Variants in PEX3 observed in about 807,000 individuals in gnomAD.
The protein encoded by PEX3 is peroxin-3.
A neutral mutation model predicts 55.8 loss-of-function variants in PEX3; 30 were observed. That is an observed-to-expected ratio of 0.54 (90% CI 0.40 to 0.73). PEX3 has a LOEUF of 0.73. Ranked by LOEUF, PEX3 falls within the 30% of genes least tolerant of loss-of-function variation. The pLI is 0.00. For synonymous variants in PEX3, 135 were observed against 148.4 expected, an observed-to-expected ratio of 0.91 and a Z score of 0.66; for missense variants, 351 against 432.8, an observed-to-expected ratio of 0.81 and a Z score of 1.68.
At position 143,450,891 on chromosome 6, in the gene PEX3, G is replaced by A. The variant is rs1779748997; in HGVS notation, c.-152G>A. ...ACGCCCCCTTGCCGCTCCGGTGACAGTCTCTGCGGAAAGTCACGTTTGTGA... is the reference window on the plus strand; with the variant it reads ...ACGCCCCCTTGCCGCTCCGGTGACAATCTCTGCGGAAAGTCACGTTTGTGA... On this transcript the variant is annotated 5_prime_UTR_variant, in exon 1 of 12. Coordinates refer to ENST00000367591, the MANE Select transcript of PEX3 (RefSeq NM_003630.3). 1.2e-6 allele frequency: 1 copy of A among 811,414 alleles called. No individual in the cohort carries two copies. The highest frequency in any genetic ancestry group is 1.3e-5 in the South Asian group (1 of 74,178). The allele number at this position is 811,414 out of a possible 1,614,324, so 50.3% of individuals were successfully genotyped here. A position where few individuals can be genotyped will look rare whatever the true frequency, so the allele number is the denominator to read the frequency against.
chr6:143,484,093 TTAGTG>T (rs1297705244), intron 10 of PEX3, among the ~76,000 whole-genome samples: 1 of 152,144 alleles, frequency 6.6e-6, no homozygotes, highest in Admixed American at 6.6e-5. Context: ...AAGGAAATTT[TTAGTG>T]TAGCCCTAGG....
rs1431586865 is a variant in PEX3 at position 143,465,574 on chromosome 6, A to T, written c.288-2548A>T. Among the ~76,000 whole-genome samples the T allele has an allele frequency of 6.6e-6, 1 of 151,978 alleles. No individual in the cohort carries two copies. Among genetic ancestry groups the T allele is most frequent in the Non-Finnish European group, 1.5e-5 (1 of 67,888 alleles). ...ATCTTTTTTCTTTTAGAATTTTTAT[A>T]AGAAGTACTTAGAAATTTTTCTGAG... is the stretch of plus-strand genomic sequence containing the variant. On this transcript the variant is annotated intron_variant, in intron 3 of 11. Transcript: ENST00000367591. The surrounding 1 kb of genome is among the most constrained non-coding windows in gnomAD (Gnocchi z 4.7).
rs1045223124 is a variant in PEX3, at chr6:143,464,030, T to G, written c.287+1033T>G. On this transcript the variant is annotated intron_variant, in intron 3 of 11. Coordinates refer to ENST00000367591, the MANE Select transcript of PEX3 (RefSeq NM_003630.3). This position sits in a 1 kb window ranked among gnomAD's most constrained non-coding sequence, Gnocchi z 5.8. ...TGATGGGGGTTTTCCATTTTAAATT[T>G]CTTCATTCTTAGAGGTAGACAGACC... Among the ~76,000 whole-genome samples the G allele has an allele frequency of 6.6e-6, 1 of 152,128 alleles. No homozygotes were observed. The highest frequency in any genetic ancestry group is 1.5e-5 in the Non-Finnish European group (1 of 67,970).
In PEX3 at chr6:143,482,444, A is replaced by G. The variant is rs996741190; in HGVS notation, c.942-2708A>G. On this transcript the variant is annotated intron_variant, in intron 10 of 11. Transcript: ENST00000367591. This position sits in a 1 kb window ranked among gnomAD's most constrained non-coding sequence, Gnocchi z 5.5. Reference sequence around the variant, plus strand: ...GTGTAAAATTAGCCTTCCAAAATTAATCTAAAATATAATCAAAATATTATC... The same window carrying G: ...GTGTAAAATTAGCCTTCCAAAATTAGTCTAAAATATAATCAAAATATTATC... Among the ~76,000 whole-genome samples the G allele has an allele frequency of 6.6e-6, 1 of 152,056 alleles. No individual in the cohort carries two copies. The highest frequency in any genetic ancestry group is 1.5e-5 in the Non-Finnish European group (1 of 67,958).
intron 8 of PEX3, among the ~76,000 whole-genome samples, chr6:143,473,688 A>G (rs532640857): frequency 8.1e-4 from 123 of 152,256 alleles, no homozygotes; most frequent in African/African-American, 2.8e-3. Flanking sequence ...ACATAGCGAG[A>G]TCCTGTCTCT....
At chr6:143,481,969 T>TA (rs1421852174) in intron 10 of PEX3, among the ~76,000 whole-genome samples, 1 of 151,732 alleles carries the variant, frequency 6.6e-6, no homozygotes, top group Non-Finnish European at 1.5e-5. Flanking sequence ...CCCTGTCTCT[T>TA]AAAAAAATAT....
At chr6:143,470,381 G>A (rs182827569) in intron 4 of PEX3, among the ~76,000 whole-genome samples, 4 of 152,210 alleles carry the variant, frequency 2.6e-5, no homozygotes, top group African/African-American at 7.2e-5. Flanking sequence ...GGTCTCTCAA[G>A]CGTCAGTAAC....
chr6:143,461,820 C>G lies in PEX3; in HGVS notation c.206-1096C>G, dbSNP rs527842594. 1.2e-3 allele frequency among the ~76,000 whole-genome samples: 185 copies of G among 152,210 alleles called. 1 individual carries two copies. Among genetic ancestry groups the G allele is most frequent in the African/African-American group, 4.2e-3 (174 of 41,538 alleles). ...AACATTAGCTGGTCATGGAGGCCCACGCCTCTAGTCCTAACTACTCGGGAA... is the reference window on the plus strand; with the variant it reads ...AACATTAGCTGGTCATGGAGGCCCAGGCCTCTAGTCCTAACTACTCGGGAA... On this transcript the variant is annotated intron_variant, in intron 2 of 11. Transcript: ENST00000367591.
rs1369471519 is a variant in PEX3, at chr6:143,474,810, A to G, written c.772A>G (p.Ile258Val). The change falls in exon 9 of 12, where the codon ATT (isoleucine) becomes GTT (valine). Residue 258 changes from isoleucine to valine, a missense_variant. By Grantham distance (29) the Ile-to-Val change is conservative. Transcript: ENST00000367591. ...VQACGLSPRD[I>V]TTIKLLNETR... ...GGCCTGTGGACTTTCTCCTCGAGAC[A>G]TTACCACTATTAAACTTCTCAATGA... is the stretch of plus-strand genomic sequence containing the variant. 1 of 1,594,044 alleles carries G rather than the reference A, an allele frequency of 6.3e-7. No individual in the cohort carries two copies. The highest frequency in any genetic ancestry group is 8.6e-7 in the Non-Finnish European group (1 of 1,161,892).
At position 143,462,975 on chromosome 6, in the gene PEX3, C is replaced by T. The variant is rs1420799517; in HGVS notation, c.265C>T (p.Leu89Phe). The change falls in exon 3 of 12, where the codon CTC becomes TTC. Residue 89 changes from leucine to phenylalanine, a missense_variant. Leu to Phe is a conservative substitution (Grantham distance 22). Coordinates refer to ENST00000367591, the MANE Select transcript of PEX3 (RefSeq NM_003630.3). The surrounding 1 kb of genome is among the most constrained non-coding windows in gnomAD (Gnocchi z 4.1). The stretch of plus-strand genomic sequence containing the variant: ...AATGCAGCAACTGAATTCCGAGAGC[C>T]TCACAGCTCTGCTAAAAAACAGGTA... ...ALMQQLNSES[L>F]TALLKNRPSN... 1 of 1,613,130 alleles carries T rather than the reference C, an allele frequency of 6.2e-7. No homozygotes were observed. The highest frequency in any genetic ancestry group is 1.3e-5 in the African/African-American group (1 of 74,866).
At position 143,466,121 on chromosome 6, in the gene PEX3, C is replaced by T. The variant is rs1405146757; in HGVS notation, c.288-2001C>T. 2.0e-5 allele frequency among the ~76,000 whole-genome samples: 3 copies of T among 152,036 alleles called. No homozygotes were observed. The highest frequency in any genetic ancestry group is 1.3e-4 in the Admixed American group (2 of 15,268). On this transcript the variant is annotated intron_variant, in intron 3 of 11. Transcript: ENST00000367591. The surrounding 1 kb of genome is among the most constrained non-coding windows in gnomAD (Gnocchi z 5.4). ...TACATCCATACAATGGTGTACTACA[C>T]GTTGGTTAGAAGAGAAAAGTGGCTA...
Position 143,464,988 on chromosome 6 carries a change from G to T in PEX3, c.287+1991G>T, listed in dbSNP as rs557041007. ...CAAATAAACAGTTATCACTGTTTTT[G>T]ATATTTGGCACTCTTCTTGAAGACT... On this transcript the variant is annotated intron_variant, in intron 3 of 11. Coordinates refer to ENST00000367591, the MANE Select transcript of PEX3 (RefSeq NM_003630.3). This position sits in a 1 kb window ranked among gnomAD's most constrained non-coding sequence, Gnocchi z 5.8. 2.0e-5 allele frequency among the ~76,000 whole-genome samples: 3 copies of T among 151,788 alleles called. No individual in the cohort carries two copies. The highest frequency in any genetic ancestry group is 2.0e-4 in the Admixed American group (3 of 15,246).
Position 143,459,035 on chromosome 6 carries a change from G to A in PEX3, c.74-50G>A. 1 of 1,260,368 alleles carries A rather than the reference G, an allele frequency of 7.9e-7. No homozygotes were observed. Among genetic ancestry groups the A allele is most frequent in the East Asian group, 2.4e-5 (1 of 42,418 alleles). The allele number at this position is 1,260,368 out of a possible 1,614,324, so 78.1% of individuals were successfully genotyped here. The stretch of plus-strand genomic sequence containing the variant: ...GCATAAAGTAGGTTAAAAATACTGT[G>A]TAGAATTTTTGGTACTCTAATGAAT... On this transcript the variant is annotated intron_variant, in intron 1 of 11. Transcript: ENST00000367591. This position sits in a 1 kb window ranked among gnomAD's most constrained non-coding sequence, Gnocchi z 4.2.
In PEX3 at chr6:143,459,799, C is replaced by A. The variant is rs75115026; in HGVS notation, c.205+583C>A. Among the ~76,000 whole-genome samples, 5,652 of 152,282 alleles carry A rather than the reference C, an allele frequency of 0.037. 350 individuals are homozygous for A. The highest frequency in any genetic ancestry group is 0.13 in the African/African-American group (5,305 of 41,522). The stretch of plus-strand genomic sequence containing the variant: ...CAGAAGTAGGCTTGATCCCATCGGG[C>A]CTGTGGGCCATAGGAAAGAGTCATT... On this transcript the variant is annotated intron_variant, in intron 2 of 11. Coordinates refer to ENST00000367591, the MANE Select transcript of PEX3 (RefSeq NM_003630.3). This position sits in a 1 kb window ranked among gnomAD's most constrained non-coding sequence, Gnocchi z 4.2.
chr6:143,457,272 T>A (rs542238430), intron 1 of PEX3, among the ~76,000 whole-genome samples: 4 of 152,202 alleles, frequency 2.6e-5, no homozygotes, highest in Non-Finnish European at 5.9e-5. Context: ...TTTGTTGGTA[T>A]TGTAGCACTA....
intron 3 of PEX3, among the ~76,000 whole-genome samples, chr6:143,467,263 A>G (rs1294279350): frequency 2.0e-5 from 3 of 152,088 alleles, no homozygotes; most frequent in Admixed American, 6.6e-5. Context: ...AATGAGATTA[A>G]GTTAAAAACC....
Position 143,471,179 on chromosome 6 carries a change from T to C in PEX3, c.456+94T>C. ...CTGATAACAATTTCTATGAAATAAA[T>C]ATTTTTATATTTCATGTGATTGTGA... On this transcript the variant is annotated intron_variant, in intron 5 of 11. Coordinates refer to ENST00000367591, the MANE Select transcript of PEX3 (RefSeq NM_003630.3). This position sits in a 1 kb window ranked among gnomAD's most constrained non-coding sequence, Gnocchi z 5.4. 8.6e-7 allele frequency: 1 copy of C among 1,167,094 alleles called. No homozygotes were observed. The highest frequency in any genetic ancestry group is 1.3e-5 in the South Asian group (1 of 75,772). 72.3% of individuals were successfully genotyped at this position (1,167,094 alleles called of 1,614,324 possible). A position where few individuals can be genotyped will look rare whatever the true frequency, so the allele number is the denominator to read the frequency against.
chr6:143,484,613 C>T (rs1275154608), intron 10 of PEX3, among the ~76,000 whole-genome samples: 1 of 151,924 alleles, frequency 6.6e-6, no homozygotes, highest in Non-Finnish European at 1.5e-5. Context: ...TTTCACCTAT[C>T]AGATGTGAAA....
rs1256178336 is a variant in PEX3 at position 143,479,072 on chromosome 6, A to G, written c.819-4A>G. ...AAGTAACTTATACTTCTTACTTTAT[A>G]TAGCCCAGATTTTAGTACAGTTTTG... On this transcript the variant is annotated splice_region_variant and splice_polypyrimidine_tract_variant and intron_variant, in intron 9 of 11. Transcript: ENST00000367591. This position sits in a 1 kb window ranked among gnomAD's most constrained non-coding sequence, Gnocchi z 4.6. 6 of 1,547,824 alleles carry G rather than the reference A, an allele frequency of 3.9e-6. 1 individual carries two copies. In the South Asian group the frequency reaches 5.6e-5, roughly 14 times the overall value.
Sources: allele counts gnomAD v4.1 joint callset (sites outside exome capture counted in the v4.1 genomes callset), GRCh38; gene constraint gnomAD v4.1.1; non-coding constraint Gnocchi (gnomAD v3.1); transcripts MANE v1.5; gene names NCBI Gene and HGNC (gene_info 2026-07-23, HGNC 2026-07-21).